Variants in SEMA5A observed in about 807,000 individuals in gnomAD.
The protein encoded by SEMA5A is semaphorin-5A.
In SEMA5A, 55 loss-of-function variants were observed where a neutral mutation model predicts 135.5. That is an observed-to-expected ratio of 0.41 (90% CI 0.33 to 0.51). The LOEUF is 0.51. SEMA5A is among the 20% of genes least tolerant of loss of function. The pLI is 0.37. For synonymous variants in SEMA5A, 580 were observed against 546.5 expected (o/e 1.06, Z -0.85); for missense variants, 1,290 against 1,419.9 (o/e 0.91, Z 1.47).
intron 1 of SEMA5A, among the ~76,000 whole-genome samples, chr5:9,487,248 C>T (rs565469238): frequency 7.2e-5 from 11 of 152,242 alleles, no homozygotes; most frequent in Admixed American, 2.6e-4. Context: ...TATGGTCTTA[C>T]GTGGCAGCAG....
intron 5 of SEMA5A, among the ~76,000 whole-genome samples, chr5:9,296,710 C>T (rs3777308): frequency 0.68 from 102,872 of 151,764 alleles, 37,968 homozygotes; most frequent in Non-Finnish European, 0.83. Context: ...GAAAGCAGGC[C>T]GGTCAAAAAG....
intron 1 of SEMA5A, chr5:9,511,874 T>C (rs1736223660): frequency 6.6e-6 from 1 of 152,188 alleles, no homozygotes; most frequent in Non-Finnish European, 1.5e-5. Flanking sequence ...TGTTAACAAC[T>C]AGAAAACAAA....
chr5:9,489,099 T>C (rs568515234), intron 1 of SEMA5A, among the ~76,000 whole-genome samples: 28 of 152,198 alleles, frequency 1.8e-4, no homozygotes, highest in African/African-American at 6.0e-4. Context: ...TCAAGGGCTT[T>C]CCCAATACTC....
At position 9,341,744 on chromosome 5, in the gene SEMA5A, A is replaced by T. The variant is rs28542515; in HGVS notation, c.125-3932T>A. Among the ~76,000 whole-genome samples, 599 of 150,218 alleles carry T rather than the reference A, an allele frequency of 4.0e-3. 4 individuals carry two copies. The highest frequency in any genetic ancestry group is 0.014 in the African/African-American group (577 of 41,190). On this transcript the variant is annotated intron_variant, in intron 3 of 22. Transcript: ENST00000382496. ...TAAATTCCAACTGAACACTTGATAGATAATTCATAATATTTGAGGTTAACT... is the reference window on the plus strand; with the variant it reads ...TAAATTCCAACTGAACACTTGATAGTTAATTCATAATATTTGAGGTTAACT...
At chr5:9,421,985 GCA>G (rs1045258764) in intron 2 of SEMA5A, among the ~76,000 whole-genome samples, 62 of 152,136 alleles carry the variant, frequency 4.1e-4, no homozygotes, top group African/African-American at 1.4e-3. Context: ...TCATCTTTTA[GCA>G]CAGTTTAGTT....
At chr5:9,283,236 G>A (rs946270636) in intron 5 of SEMA5A, among the ~76,000 whole-genome samples, 3 of 152,140 alleles carry the variant, frequency 2.0e-5, no homozygotes, top group East Asian at 1.9e-4. Flanking sequence ...GAGTCCATTC[G>A]TGGTTTAACC....
rs371065261 is a variant in SEMA5A, at chr5:9,539,975, T to C, written c.-175+5609A>G. ...GTGCTAAAAAATCAGTTTGGAGGCA[T>C]TTGGAACATTTTTCTCTAAATAAAG... On this transcript the variant is annotated intron_variant, in intron 1 of 22. Transcript: ENST00000382496. Among the ~76,000 whole-genome samples, 5 of 152,306 alleles carry C rather than the reference T, an allele frequency of 3.3e-5. No individual in the cohort carries two copies. In the East Asian group the frequency reaches 9.6e-4, roughly 29 times the overall value.
At chr5:9,317,494 A>AT (rs964464630) in intron 5 of SEMA5A, among the ~76,000 whole-genome samples, 7 of 152,278 alleles carry the variant, frequency 4.6e-5, no homozygotes, top group African/African-American at 1.4e-4. Flanking sequence ...GGATTGGCTG[A>AT]TTTTAACACC....
intron 2 of SEMA5A, among the ~76,000 whole-genome samples, chr5:9,412,591 A>ATT (rs201599831): frequency 0.02 from 2,237 of 110,120 alleles, 33 homozygotes; most frequent in African/African-American, 0.041. Context: ...CAGATTTTGC[A>ATT]TTTTTTTTTT....
chr5:9,179,692 T>C (rs1744395954), intron 11 of SEMA5A, among the ~76,000 whole-genome samples: 1 of 152,180 alleles, frequency 6.6e-6, no homozygotes, highest in African/African-American at 2.4e-5. Context: ...CTAAATTATA[T>C]TCAACACTAT....
chr5:9,344,172 C>A (rs922172293), intron 3 of SEMA5A, among the ~76,000 whole-genome samples: 6 of 152,156 alleles, frequency 3.9e-5, no homozygotes, highest in Admixed American at 3.3e-4. Flanking sequence ...GTATGAGATA[C>A]TTTTACATAT....
In SEMA5A at chr5:9,063,008, G is replaced by T. The variant is rs1737268022; in HGVS notation, c.2397C>A (p.Asp799Glu). Residue 799 changes from aspartate to glutamate, a missense_variant, in exon 18 of 23, where the codon GAC (aspartate) becomes GAA (glutamate). Asp to Glu is a conservative substitution (Grantham distance 45). Transcript: ENST00000382496. Reference sequence around the variant, plus strand: ...TCCGGTTCCGAATGCCCCTGCTGCAGTCACGGCTGCACTGTGACCACGACG... The same window carrying T: ...TCCGGTTCCGAATGCCCCTGCTGCATTCACGGCTGCACTGTGACCACGACG... Reference protein sequence around the residue: ...AWTSWSQCSRDCSRGIRNRKR... With the variant: ...AWTSWSQCSRECSRGIRNRKR... 1 of 1,614,234 alleles carries T rather than the reference G, an allele frequency of 6.2e-7. No homozygotes were observed. The highest frequency in any genetic ancestry group is 8.5e-7 in the Non-Finnish European group (1 of 1,180,040).
At chr5:9,043,074 A>G in intron 22 of SEMA5A, 58 bp from the exon 23 acceptor site, 1 of 1,433,074 alleles carries the variant, frequency 7.0e-7, no homozygotes, top group Non-Finnish European at 9.7e-7. Context: ...TTTCAGAAAT[A>G]ATATAACAAG....
chr5:9,439,372 TAA>T (rs1443801521), intron 1 of SEMA5A, among the ~76,000 whole-genome samples: 1 of 152,250 alleles, frequency 6.6e-6, no homozygotes, highest in East Asian at 1.9e-4. Flanking sequence ...TCTCCAGTCC[TAA>T]AATCTATTTT....
chr5:9,097,761 C>A (rs1191276629), intron 16 of SEMA5A, among the ~76,000 whole-genome samples: 1 of 152,188 alleles, frequency 6.6e-6, no homozygotes, highest in African/African-American at 2.4e-5. Context: ...ATGGCCCAGC[C>A]TGTACAACAA....
At chr5:9,341,772 C>T (rs1753666465) in intron 3 of SEMA5A, among the ~76,000 whole-genome samples, 1 of 150,614 alleles carries the variant, frequency 6.6e-6, no homozygotes, top group Non-Finnish European at 1.5e-5. Context: ...GGTTAACTAT[C>T]CTAGATAATC....
At chr5:9,542,972 T>A (rs574105530) in intron 1 of SEMA5A, among the ~76,000 whole-genome samples, 13 of 152,322 alleles carry the variant, frequency 8.5e-5, no homozygotes, top group African/African-American at 3.1e-4. Flanking sequence ...TCTTCCTGTA[T>A]CAAAAGCAAA....
chr5:9,140,975 G>C (rs1448703863), intron 12 of SEMA5A, among the ~76,000 whole-genome samples: 2 of 152,192 alleles, frequency 1.3e-5, no homozygotes, highest in Non-Finnish European at 2.9e-5. Context: ...AAAGCTGCAT[G>C]TAATAACATC....
intron 4 of SEMA5A, among the ~76,000 whole-genome samples, chr5:9,322,735 A>G (rs1281954027): frequency 6.6e-6 from 1 of 152,148 alleles, no homozygotes; most frequent in Non-Finnish European, 1.5e-5. Context: ...GATTAGAAAC[A>G]AGCCCCCCGT....
Sources: gnomAD v4.1 joint callset for allele counts (sites outside exome capture counted in the v4.1 genomes callset) on GRCh38, gnomAD v4.1.1 for gene constraint, MANE v1.5 for transcripts, NCBI Gene and HGNC (gene_info 2026-07-23, HGNC 2026-07-21) for gene names.